The following SLC25A21 variants were observed in gnomAD, a reference collection of about 807,000 sequenced individuals.
The protein encoded by SLC25A21 is mitochondrial 2-oxodicarboxylate carrier.
SLC25A21 carries 47 observed loss-of-function variants against 43.8 expected under a neutral mutation model. The ratio of observed to expected loss-of-function variants is 1.07; its 90% CI spans 0.85 to 1.37. The LOEUF is 1.37. Among genes scored for constraint, SLC25A21 ranks in the 40% most tolerant of loss-of-function variants. The probability of loss-of-function intolerance (pLI) is 0.00; values close to 1 mark genes in which losing one functional copy is unlikely to be tolerated. For synonymous variants in SLC25A21, 131 were observed against 121.3 expected (o/e 1.08, Z -0.52); for missense variants, 352 against 350.2 (o/e 1.00, Z -0.04).
chr14:36,719,897 G>A (rs537156706), intron 6 of SLC25A21, among the ~76,000 whole-genome samples: 2 of 152,304 alleles, frequency 1.3e-5, no homozygotes, highest in African/African-American at 2.4e-5. Context: ...AGTACCTGTC[G>A]TTCTTGATGG....
At chr14:36,924,655 C>T (rs1474987262) in intron 1 of SLC25A21, among the ~76,000 whole-genome samples, 1 of 151,594 alleles carries the variant, frequency 6.6e-6, no homozygotes, top group Non-Finnish European at 1.5e-5. Flanking sequence ...TGCACATGTA[C>T]CCTAGAACTT....
At chr14:36,931,386 C>A (rs1396348046) in intron 1 of SLC25A21, among the ~76,000 whole-genome samples, 9 of 151,982 alleles carry the variant, frequency 5.9e-5, no homozygotes, top group Admixed American at 5.9e-4. Flanking sequence ...GTTGGAGTGT[C>A]CTAGCAGAAG....
rs572166578 is a variant in SLC25A21, at chr14:36,728,316, TAC to T, written c.330+1189_330+1190del. Reference sequence around the variant, plus strand: ...TTCAATTCTCAAGAGTCCAAAGACCTACAGTTTCTCACATGGTACCAATGTTT... The same window carrying T: ...TTCAATTCTCAAGAGTCCAAAGACCTAGTTTCTCACATGGTACCAATGTTT... On this transcript the variant is annotated intron_variant, in intron 5 of 9. Coordinates refer to ENST00000331299, the MANE Select transcript of SLC25A21 (RefSeq NM_030631.4). Among the ~76,000 whole-genome samples, 137 of 152,344 alleles carry T rather than the reference TAC, an allele frequency of 9.0e-4. 1 individual carries two copies. The highest frequency in any genetic ancestry group is 1.6e-3 in the African/African-American group (67 of 41,590).
intron 7 of SLC25A21, among the ~76,000 whole-genome samples, chr14:36,695,806 G>A (rs1003193208): frequency 6.6e-6 from 1 of 152,082 alleles, no homozygotes; most frequent in Non-Finnish European, 1.5e-5. Flanking sequence ...GGAGATTTTG[G>A]GCTGAGACGA....
rs550769320 is a variant in SLC25A21, at chr14:36,940,321, T to G, written c.71-65317A>C. Among the ~76,000 whole-genome samples the G allele has an allele frequency of 1.2e-3, 183 of 152,224 alleles. 1 individual carries two copies. The highest frequency in any genetic ancestry group is 4.1e-3 in the African/African-American group (171 of 41,562). On this transcript the variant is annotated intron_variant, in intron 1 of 9. Coordinates refer to ENST00000331299, the MANE Select transcript of SLC25A21 (RefSeq NM_030631.4). Reference sequence around the variant, plus strand: ...ATGACACTATGTTTATTCCAATATTTTAATAAAATTTTCTCTAAGATTTAA... The same window carrying G: ...ATGACACTATGTTTATTCCAATATTGTAATAAAATTTTCTCTAAGATTTAA...
intron 1 of SLC25A21, among the ~76,000 whole-genome samples, chr14:36,890,640 A>G (rs1469497728): frequency 1.3e-5 from 2 of 152,214 alleles, no homozygotes; most frequent in Non-Finnish European, 2.9e-5. Context: ...GGTACACCAC[A>G]ACATCCATGA....
chr14:36,710,374 CAAGAAAAAAA>C (rs149230447), intron 7 of SLC25A21, among the ~76,000 whole-genome samples: 15,113 of 128,008 alleles, frequency 0.12, 1,212 homozygotes, highest in East Asian at 0.5. Context: ...ACTCTGTCTC[CAAGAAAAAAA>C]AAGAAAAGAA....
intron 3 of SLC25A21, among the ~76,000 whole-genome samples, chr14:36,774,122 A>G (rs1198852838): frequency 6.6e-6 from 1 of 152,120 alleles, no homozygotes; most frequent in Non-Finnish European, 1.5e-5. Context: ...GTCCCCTTTT[A>G]CCATTTATTC....
At chr14:36,707,550 C>T (rs941032182) in intron 7 of SLC25A21, among the ~76,000 whole-genome samples, 1 of 152,092 alleles carries the variant, frequency 6.6e-6, no homozygotes, top group Non-Finnish European at 1.5e-5. Context: ...CACTTATTTA[C>T]TAGTACAATC....
intron 1 of SLC25A21, among the ~76,000 whole-genome samples, chr14:36,935,041 C>T (rs774475004): frequency 1.3e-5 from 2 of 151,846 alleles, no homozygotes; most frequent in Non-Finnish European, 2.9e-5. Context: ...AAACTCCACT[C>T]TTTCAAATGG....
chr14:37,000,618 T>G (rs1481548423), intron 1 of SLC25A21, among the ~76,000 whole-genome samples: 1 of 152,162 alleles, frequency 6.6e-6, no homozygotes, highest in Non-Finnish European at 1.5e-5. Context: ...TGAGAGATCT[T>G]CTGATGTGGT....
chr14:36,698,769 T>C (rs1166166504), intron 7 of SLC25A21, among the ~76,000 whole-genome samples: 5 of 152,158 alleles, frequency 3.3e-5, no homozygotes, highest in Non-Finnish European at 7.4e-5. Flanking sequence ...CTGCATCAGG[T>C]CATTTAAGGT....
At chr14:37,096,722 A>G (rs1252045110) in intron 1 of SLC25A21, among the ~76,000 whole-genome samples, 3 of 151,816 alleles carry the variant, frequency 2.0e-5, no homozygotes, top group African/African-American at 7.3e-5. Context: ...TTTTTTTATT[A>G]TATCAATCTC....
chr14:36,705,099 G>A (rs1433465861), intron 7 of SLC25A21, among the ~76,000 whole-genome samples: 1 of 152,010 alleles, frequency 6.6e-6, no homozygotes, highest in Non-Finnish European at 1.5e-5. Flanking sequence ...GCCCAGGCTG[G>A]GTGCAATCTC....
chr14:36,939,904 C>T (rs1471180209), intron 1 of SLC25A21, among the ~76,000 whole-genome samples: 1 of 152,096 alleles, frequency 6.6e-6, no homozygotes, highest in Non-Finnish European at 1.5e-5. Context: ...GATCTGGTTT[C>T]TAATTGTTTC....
intron 3 of SLC25A21, among the ~76,000 whole-genome samples, chr14:36,760,369 AAGGAAGGAAGGAAGGAAGGAAGGC>A (rs1466895410): frequency 4.0e-5 from 6 of 151,750 alleles, no homozygotes; most frequent in African/African-American, 1.5e-4. Context: ...GGAAGGAAGG[AAGGAAGGAAGGAAGGAAGGAAGGC>A]AGGCCTCATG....
At chr14:37,074,954 G>A (rs1156557055) in intron 1 of SLC25A21, among the ~76,000 whole-genome samples, 1 of 152,178 alleles carries the variant, frequency 6.6e-6, no homozygotes, top group East Asian at 1.9e-4. Flanking sequence ...GCTAGGTCCT[G>A]GAAATACAAA....
At chr14:37,047,676 CATTG>C (rs1336276989) in intron 1 of SLC25A21, among the ~76,000 whole-genome samples, 1 of 152,180 alleles carries the variant, frequency 6.6e-6, no homozygotes, top group Non-Finnish European at 1.5e-5. Context: ...AAGAAGTTCA[CATTG>C]ATTAAAAACC....
intron 1 of SLC25A21, among the ~76,000 whole-genome samples, chr14:37,146,983 A>G (rs1482587468): frequency 6.6e-6 from 1 of 152,020 alleles, no homozygotes; most frequent in African/African-American, 2.4e-5. Context: ...CTAATTCCCA[A>G]CTCTGGTTTG....
Sources: gnomAD v4.1 joint callset for allele counts (sites outside exome capture counted in the v4.1 genomes callset) on GRCh38, gnomAD v4.1.1 for gene constraint, MANE v1.5 for transcripts, NCBI Gene and HGNC (gene_info 2026-07-23, HGNC 2026-07-21) for gene names.